The following ANKRD31 variants were observed in gnomAD, a reference collection of about 807,000 sequenced individuals.
ANKRD31 encodes the protein ankyrin repeat domain-containing protein 31.
A neutral mutation model predicts 186.0 loss-of-function variants in ANKRD31; 147 were observed. The observed-to-expected ratio is 0.79, with a 90% confidence interval of 0.69 to 0.91. The LOEUF is 0.91. Ranked by LOEUF, ANKRD31 falls within the 40% of genes least tolerant of loss-of-function variation. ANKRD31 has a pLI of 0.00. For synonymous variants in ANKRD31, 673 were observed against 736.4 expected, an observed-to-expected ratio of 0.91 and a Z score of 1.39; for missense variants, 1,986 against 2,148.8, an observed-to-expected ratio of 0.92 and a Z score of 1.50.
In ANKRD31 at chr5:75,133,155, C is replaced by G. The variant is rs185228960; in HGVS notation, c.3876+4701G>C. 2.0e-5 allele frequency among the ~76,000 whole-genome samples: 3 copies of G among 152,264 alleles called. No homozygotes were observed. The East Asian group carries it at 5.8e-4, about 29-fold the overall frequency. ...CCATAATGACAGGATCAAATTCACA[C>G]ATAACTATATTAACCTTAAATGTAA... On this transcript the variant is annotated intron_variant, in intron 17 of 25. Transcript: ENST00000506364.
intron 13 of ANKRD31, among the ~76,000 whole-genome samples, chr5:75,147,742 T>C (rs546589737): frequency 6.6e-6 from 1 of 152,070 alleles, no homozygotes; most frequent in African/African-American, 2.4e-5. Flanking sequence ...TACTTTCTAC[T>C]GTAGATTTTA....
Position 75,127,473 on chromosome 5 carries a change from T to C in ANKRD31, c.3877-9176A>G, listed in dbSNP as rs188972780. Among the ~76,000 whole-genome samples the C allele has an allele frequency of 2.0e-3, 307 of 152,304 alleles. 1 individual carries two copies. The highest frequency in any genetic ancestry group is 3.6e-3 in the Non-Finnish European group (242 of 68,026). ...AATATCTAGCCCCAAATGTCATTTA[T>C]GTCAAGGTTCAGAAATCCTAATCTA... is the stretch of plus-strand genomic sequence containing the variant. On this transcript the variant is annotated intron_variant, in intron 17 of 25. Coordinates refer to ENST00000506364, the MANE Select transcript of ANKRD31 (RefSeq NM_001372053.1).
chr5:75,183,045 A>C (rs1754442192), intron 10 of ANKRD31, among the ~76,000 whole-genome samples: 1 of 152,256 alleles, frequency 6.6e-6, no homozygotes, highest in African/African-American at 2.4e-5. Flanking sequence ...CAGTACATTA[A>C]AAAGATTATT....
chr5:75,091,399 CT>C lies in ANKRD31; in HGVS notation c.5333del (p.Glu1778GlyfsTer10). On this transcript the variant is annotated frameshift_variant and splice_region_variant, in exon 23 of 26. Transcript: ENST00000506364. LOFTEE classifies it high-confidence loss of function. ...ATAAAATACTGGCTTTGTGGGTAGT[CT>C]CCTGAAGTGAAAAATAAAACAGAAA... The part of the protein sequence containing the change: ...GNNILEFKTQ[E>X]TTHKASILLN... The C allele has an allele frequency of 6.6e-7, 1 of 1,518,118 alleles. No homozygotes were observed. The highest frequency in any genetic ancestry group is 1.2e-5 in the South Asian group (1 of 80,600). 94.0% of individuals were successfully genotyped at this position (1,518,118 alleles called of 1,614,324 possible). A position where few individuals can be genotyped will look rare whatever the true frequency, so the allele number is the denominator to read the frequency against.
intron 7 of ANKRD31, 101 bp from the exon 8 acceptor site, chr5:75,193,692 G>A (rs1463564988): frequency 2.9e-6 from 3 of 1,044,664 alleles, no homozygotes; most frequent in African/African-American, 3.2e-5. Flanking sequence ...AAATTAAAAT[G>A]CCTATTATAG....
chr5:75,236,087 G>T (rs1272313426), intron 1 of ANKRD31, among the ~76,000 whole-genome samples: 5 of 152,154 alleles, frequency 3.3e-5, no homozygotes, highest in Non-Finnish European at 5.9e-5. Flanking sequence ...TTAGAGAAAG[G>T]TTTCGATAAC....
chr5:75,222,286 T>C lies in ANKRD31; in HGVS notation c.251A>G (p.Lys84Arg). 1 of 1,536,904 alleles carries C rather than the reference T, an allele frequency of 6.5e-7. No homozygotes were observed. The highest frequency in any genetic ancestry group is 8.7e-7 in the Non-Finnish European group (1 of 1,146,682). ...EDLQEQMNKN[K>R]MMPVLSEDTI... is the part of the protein sequence containing the mutation. Reference sequence around the variant, plus strand: ...ATCCTCGCTAAGAACAGGCATCATCTTATTTTTATTCATTTGCTCTTGCAG... The same window carrying C: ...ATCCTCGCTAAGAACAGGCATCATCCTATTTTTATTCATTTGCTCTTGCAG... Residue 84 changes from lysine (K) to arginine (R), a missense_variant, in exon 3 of 26, where the codon AAG becomes AGG. Lys to Arg is a conservative substitution (Grantham distance 26). Coordinates refer to ENST00000506364, the MANE Select transcript of ANKRD31 (RefSeq NM_001372053.1).
intron 4 of ANKRD31, among the ~76,000 whole-genome samples, chr5:75,207,667 G>T (rs1756343806): frequency 6.6e-6 from 1 of 152,004 alleles, no homozygotes; most frequent in Non-Finnish European, 1.5e-5. Context: ...AAAACTATCT[G>T]CAAGATGATC....
intron 22 of ANKRD31, among the ~76,000 whole-genome samples, chr5:75,099,447 A>C (rs982466008): frequency 9.2e-5 from 14 of 152,238 alleles, no homozygotes; most frequent in Admixed American, 9.2e-4. Context: ...TGGCCTCATC[A>C]AATGAGTTAG....
At chr5:75,191,180 A>C (rs1025118081) in intron 9 of ANKRD31, among the ~76,000 whole-genome samples, 2 of 152,158 alleles carry the variant, frequency 1.3e-5, no homozygotes, top group African/African-American at 4.8e-5. Context: ...CTGAAATTAA[A>C]GTTAGTGTAA....
intron 10 of ANKRD31, among the ~76,000 whole-genome samples, chr5:75,186,614 T>G (rs1190800656): frequency 6.6e-6 from 1 of 152,190 alleles, no homozygotes; most frequent in Non-Finnish European, 1.5e-5. Flanking sequence ...AAATTTAAAA[T>G]GTGATCTATT....
rs1331594268 is a variant in ANKRD31 at position 75,236,628 on chromosome 5, G to A, written c.59C>T (p.Ser20Leu). 6.5e-7 allele frequency: 1 copy of A among 1,537,266 alleles called. No homozygotes were observed. Residue 20 changes from serine (S) to leucine (L), a missense_variant, in exon 1 of 26, where the codon TCA (serine) becomes TTA (leucine). Physicochemically the swap from Ser to Leu is moderately radical, Grantham distance 145. Coordinates refer to ENST00000506364, the MANE Select transcript of ANKRD31 (RefSeq NM_001372053.1). ...WDSDETVIEG[S>L]VTESDLEEKE... ...TTCTTCCAGGTCGCTCTCCGTCACTGAACCCTCTATCACAGTTTCATCACT... is the reference window on the plus strand; with the variant it reads ...TTCTTCCAGGTCGCTCTCCGTCACTAAACCCTCTATCACAGTTTCATCACT...
intron 5 of ANKRD31, among the ~76,000 whole-genome samples, chr5:75,202,905 A>T (rs1468538868): frequency 6.6e-6 from 1 of 152,244 alleles, no homozygotes; most frequent in African/African-American, 2.4e-5. Flanking sequence ...GGGCAGCAAG[A>T]AACACACAAA....
chr5:75,191,530 T>C (rs1755112528), intron 9 of ANKRD31, among the ~76,000 whole-genome samples: 1 of 152,120 alleles, frequency 6.6e-6, no homozygotes, highest in African/African-American at 2.4e-5. Context: ...TTTGAAATTT[T>C]CTCATAGCTA....
intron 3 of ANKRD31, among the ~76,000 whole-genome samples, chr5:75,213,891 G>A (rs75049177): frequency 0.19 from 28,750 of 152,130 alleles, 3,061 homozygotes; most frequent in South Asian, 0.4. Context: ...CTGGCTTGCC[G>A]GATCAGCCCA....
In ANKRD31 at chr5:75,146,764, ATC is replaced by A. The variant is rs762066759; in HGVS notation, c.2645_2646del (p.Arg882IlefsTer2). The A allele has an allele frequency of 1.4e-5, 22 of 1,536,118 alleles. No individual in the cohort carries two copies. In the South Asian group the frequency reaches 2.5e-4, roughly 17 times the overall value. ...ENSNLVPKDE[R>X]FNKWENSFLS... ...AGGAAAGAATTTTCCCATTTGTTAA[ATC>A]TCTCATCTTTTGGGACCAAGTTACT... On this transcript the variant is annotated frameshift_variant, in exon 14 of 26. Coordinates refer to ENST00000506364, the MANE Select transcript of ANKRD31 (RefSeq NM_001372053.1). LOFTEE classifies it high-confidence loss of function.
At position 75,154,314 on chromosome 5, in the gene ANKRD31, T is replaced by C; in HGVS notation, c.1739A>G (p.Asp580Gly). The C allele has an allele frequency of 4.6e-6, 7 of 1,532,568 alleles. No homozygotes were observed. The highest frequency in any genetic ancestry group is 6.1e-6 in the Non-Finnish European group (7 of 1,145,212). 94.9% of individuals were successfully genotyped at this position (1,532,568 alleles called of 1,614,324 possible). Residue 580 changes from aspartate to glycine, a missense_variant, in exon 12 of 26, where the codon GAT becomes GGT. Coordinates refer to ENST00000506364, the MANE Select transcript of ANKRD31 (RefSeq NM_001372053.1). ...VAELLLLNGA[D>G]PLFRNDDGKC... ...TCCATCATCATTTCTAAATAATGGATCAGCTCCATTCAGAAGAAGTAACTC... is the reference window on the plus strand; with the variant it reads ...TCCATCATCATTTCTAAATAATGGACCAGCTCCATTCAGAAGAAGTAACTC...
At chr5:75,085,612 G>C (rs989335081) in intron 23 of ANKRD31, among the ~76,000 whole-genome samples, 16 of 152,138 alleles carry the variant, frequency 1.1e-4, no homozygotes, top group Non-Finnish European at 2.1e-4. Flanking sequence ...ATGTTGGCCA[G>C]GGTGGTCTCG....
intron 24 of ANKRD31, among the ~76,000 whole-genome samples, chr5:75,080,996 A>G (rs779005144): frequency 6.6e-6 from 1 of 152,172 alleles, no homozygotes; most frequent in Non-Finnish European, 1.5e-5. Flanking sequence ...GATATGCAGA[A>G]GAGGGAGAAA....
Sources: gnomAD v4.1 joint callset for allele counts (sites outside exome capture counted in the v4.1 genomes callset) on GRCh38, gnomAD v4.1.1 for gene constraint, MANE v1.5 for transcripts, NCBI Gene and HGNC (gene_info 2026-07-23, HGNC 2026-07-21) for gene names.